NCBP1: variants seen among roughly 807,000 people sequenced by gnomAD.
The protein encoded by NCBP1 is nuclear cap-binding protein subunit 1.
In NCBP1, 16 loss-of-function variants were observed where a neutral mutation model predicts 111.7. The ratio of observed to expected loss-of-function variants is 0.14; its 90% CI spans 0.10 to 0.22. NCBP1 has a LOEUF of 0.22. NCBP1 is among the 10% of genes least tolerant of loss of function. The pLI is 1.00. For synonymous variants in NCBP1, 304 were observed against 314.3 expected, an observed-to-expected ratio of 0.97 and a Z score of 0.35; for missense variants, 607 against 957.5, an observed-to-expected ratio of 0.63 and a Z score of 4.83.
intron 4 of NCBP1, among the ~76,000 whole-genome samples, chr9:97,644,593 A>C (rs979859776): frequency 6.6e-6 from 1 of 152,238 alleles, no homozygotes; most frequent in Non-Finnish European, 1.5e-5. Flanking sequence ...GCAATAGCAC[A>C]CTAAGCACAC....
In NCBP1 at chr9:97,671,805, C is replaced by A. The variant is rs534194537; in HGVS notation, c.*606C>A. ...TTGGAAGAGTAGCTCTCAAATTTGT[C>A]TTAATGTAAATCACCTGGGAATCTT... is the stretch of plus-strand genomic sequence containing the variant. On this transcript the variant is annotated 3_prime_UTR_variant, in exon 23 of 23. Transcript: ENST00000375147. 7 of 152,250 alleles carry A rather than the reference C, an allele frequency of 4.6e-5. No individual in the cohort carries two copies. Among genetic ancestry groups the A allele is most frequent in the Admixed American group, 6.5e-5 (1 of 15,302 alleles). 9.4% of individuals were successfully genotyped at this position (152,250 alleles called of 1,614,324 possible).
chr9:97,643,269 A>C lies in NCBP1; in HGVS notation c.290A>C (p.Asn97Thr), dbSNP rs757022224. The stretch of plus-strand genomic sequence containing the variant: ...TTAGTTGGACTACTGAATGCCAGGA[A>C]TTACAATTTTGGTGGAGAATTTGTA... ...TTLVGLLNARNYNFGGEFVEA... is the reference protein window; with the variant it reads ...TTLVGLLNARTYNFGGEFVEA... The change falls in exon 4 of 23, where the codon AAT becomes ACT. Residue 97 changes from asparagine to threonine, a missense_variant. Around this residue, in one of 9 missense-constraint regions of NCBP1, gnomAD observed 185 missense variants for 272.0 expected, o/e 0.68. Coordinates refer to ENST00000375147, the MANE Select transcript of NCBP1 (RefSeq NM_002486.5). 4 of 1,611,402 alleles carry C rather than the reference A, an allele frequency of 2.5e-6. No homozygotes were observed. The highest frequency in any genetic ancestry group is 2.5e-6 in the Non-Finnish European group (3 of 1,179,142).
At chr9:97,638,865 A>G (rs1388205090) in intron 1 of NCBP1, among the ~76,000 whole-genome samples, 1 of 152,168 alleles carries the variant, frequency 6.6e-6, no homozygotes, top group Non-Finnish European at 1.5e-5. Flanking sequence ...TGGGGGCAAA[A>G]TCTACACCCT....
At chr9:97,634,788 G>GT (rs1554691079) in intron 1 of NCBP1, among the ~76,000 whole-genome samples, 1 of 152,184 alleles carries the variant, frequency 6.6e-6, no homozygotes, top group Non-Finnish European at 1.5e-5. Context: ...TATAGTAGTG[G>GT]TTAAGAGATG....
At chr9:97,634,103 C>T (rs1044887346) in intron 1 of NCBP1, among the ~76,000 whole-genome samples, 188 bp downstream of exon 1, 2 of 152,242 alleles carry the variant, frequency 1.3e-5, no homozygotes, top group Non-Finnish European at 2.9e-5. Context: ...CTCCCCCGCC[C>T]CAGTTCTTTG....
Position 97,650,708 on chromosome 9 carries a change from C to G in NCBP1, c.995+108C>G, listed in dbSNP as rs369715009. The G allele has an allele frequency of 1.2e-4, 101 of 825,752 alleles. No homozygotes were observed. In the South Asian group the frequency reaches 1.7e-3, roughly 13 times the overall value. 51.2% of individuals were successfully genotyped at this position (825,752 alleles called of 1,614,324 possible). A position where few individuals can be genotyped will look rare whatever the true frequency, so the allele number is the denominator to read the frequency against. ...GTGTAAGAAAATTTTATCCTCCTGA[C>G]TCCCTGTCTTGCTAAAATCAATTTC... On this transcript the variant is annotated intron_variant, in intron 9 of 22. Coordinates refer to ENST00000375147, the MANE Select transcript of NCBP1 (RefSeq NM_002486.5).
chr9:97,665,778 A>G (rs1229122220), intron 19 of NCBP1, among the ~76,000 whole-genome samples: 2 of 123,568 alleles, frequency 1.6e-5, no homozygotes, highest in African/African-American at 3.0e-5. Flanking sequence ...CACACAGTCA[A>G]AAATCTGCAT....
At chr9:97,652,164 C>A (rs964384176) in intron 10 of NCBP1, among the ~76,000 whole-genome samples, 4 of 152,160 alleles carry the variant, frequency 2.6e-5, no homozygotes, top group African/African-American at 7.2e-5. Flanking sequence ...CCACCACGCC[C>A]GGCTAATTTT....
rs368349568 is a variant in NCBP1 at position 97,660,214 on chromosome 9, ATTTAC to A, written c.1478-727_1478-723del. Among the ~76,000 whole-genome samples the A allele has an allele frequency of 7.9e-5, 12 of 152,252 alleles. No individual in the cohort carries two copies. In the South Asian group the frequency reaches 2.5e-3, roughly 32 times the overall value. ...TGACTGTCCTCACATGACTGTTGTAATTTACTTTATTCATTCCAGTAACTCATACT... is the reference window on the plus strand; with the variant it reads ...TGACTGTCCTCACATGACTGTTGTAATTTATTCATTCCAGTAACTCATACT... On this transcript the variant is annotated intron_variant, in intron 15 of 22. Transcript: ENST00000375147.
intron 3 of NCBP1, among the ~76,000 whole-genome samples, chr9:97,642,406 C>G (rs1827227674): frequency 6.6e-6 from 1 of 151,856 alleles, no homozygotes; most frequent in Non-Finnish European, 1.5e-5. Flanking sequence ...CTTGATTGTC[C>G]CTGATGTTCT....
chr9:97,655,342 G>A (rs1343586585), intron 12 of NCBP1, among the ~76,000 whole-genome samples: 1 of 152,052 alleles, frequency 6.6e-6, no homozygotes, highest in African/African-American at 2.4e-5. Context: ...TCCATCCCGA[G>A]TAGCTGGGAT....
chr9:97,648,953 C>G (rs551194515), intron 8 of NCBP1, among the ~76,000 whole-genome samples: 2 of 152,108 alleles, frequency 1.3e-5, no homozygotes, highest in Non-Finnish European at 2.9e-5. Flanking sequence ...TCGTCCGCTT[C>G]GTTTTCCCAA....
At chr9:97,668,710 C>G in intron 20 of NCBP1, 136 bp from the exon 21 acceptor site, 1 of 878,194 alleles carries the variant, frequency 1.1e-6, no homozygotes. Flanking sequence ...GTGTGGGTGG[C>G]GGGGTGGGGG....
At chr9:97,658,209 A>G (rs1827727075) in intron 14 of NCBP1, among the ~76,000 whole-genome samples, 1 of 152,124 alleles carries the variant, frequency 6.6e-6, no homozygotes, top group African/African-American at 2.4e-5. Flanking sequence ...ACCTGTGTGT[A>G]TATATGCCTC....
chr9:97,647,943 A>AT, intron 7 of NCBP1, 65 bp from the exon 8 acceptor site: 1 of 1,333,232 alleles, frequency 7.5e-7, no homozygotes, highest in Non-Finnish European at 1.0e-6. Context: ...AAGGGTAGTG[A>AT]TTTTTTCATT....
At chr9:97,645,268 G>A (rs914215583) in intron 5 of NCBP1, 44 bp downstream of exon 5, 2 of 1,430,978 alleles carry the variant, frequency 1.4e-6, no homozygotes, top group Non-Finnish European at 2.0e-6. Flanking sequence ...TTCTTGAGGG[G>A]TTACTGAATC....
chr9:97,659,403 C>G (rs1276798147), intron 15 of NCBP1, among the ~76,000 whole-genome samples: 6 of 152,152 alleles, frequency 3.9e-5, no homozygotes, highest in East Asian at 1.9e-4. Context: ...TTCTGCTGTT[C>G]TTTGCTTTTC....
chr9:97,666,672 G>C (rs1828013055), intron 19 of NCBP1, 91 bp from the exon 20 acceptor site: 1 of 779,950 alleles, frequency 1.3e-6, no homozygotes, highest in Non-Finnish European at 2.0e-6. Flanking sequence ...GGCTGTATCA[G>C]CTGTTAAGAA....
Position 97,671,478 on chromosome 9 carries a change from C to T in NCBP1, c.*279C>T. The T allele has an allele frequency of 3.2e-6, 1 of 317,018 alleles. No individual in the cohort carries two copies. Among genetic ancestry groups the T allele is most frequent in the Non-Finnish European group, 5.9e-6 (1 of 170,474 alleles). The allele number at this position is 317,018 out of a possible 1,614,324, so 19.6% of individuals were successfully genotyped here. On this transcript the variant is annotated 3_prime_UTR_variant, in exon 23 of 23. Transcript: ENST00000375147. Reference sequence around the variant, plus strand: ...TGTTATTTTTTTTCTCCTTAAGGCACAAAATAATTGGTTTGAGGTATGTGA... The same window carrying T: ...TGTTATTTTTTTTCTCCTTAAGGCATAAAATAATTGGTTTGAGGTATGTGA...
Sources: gnomAD v4.1 joint callset for allele counts (sites outside exome capture counted in the v4.1 genomes callset) on GRCh38, gnomAD v4.1.1 for gene constraint, gnomAD v4.1.1 regional missense constraint, MANE v1.5 for transcripts, NCBI Gene and HGNC (gene_info 2026-07-23, HGNC 2026-07-21) for gene names.